PSMG2: variants seen among roughly 807,000 people sequenced by gnomAD.
PSMG2 encodes the protein CD40 ligand-activated specific transcript 3.
Under a neutral mutation model 31.5 loss-of-function variants are expected in PSMG2, and 21 were observed. That is an observed-to-expected ratio of 0.67 (90% CI 0.47 to 0.96). The LOEUF (loss-of-function observed/expected upper bound fraction) is 0.96, where lower values mean the gene tolerates loss of function less well. Among genes scored for constraint, PSMG2 ranks in the 40% least tolerant of loss-of-function variants. PSMG2 has a pLI of 0.00. For missense variants in PSMG2, 318 were observed against 321.2 expected (o/e 0.99, Z 0.08); for synonymous variants, 120 against 110.4 (o/e 1.09, Z -0.54).
chr18:12,680,221 C>T (rs2039295477), intron 1 of PSMG2, among the ~76,000 whole-genome samples: 2 of 152,090 alleles, frequency 1.3e-5, no homozygotes, highest in South Asian at 2.1e-4. Context: ...TACATAATCA[C>T]TGAAAAGGCT....
chr18:12,705,513 T>C lies in PSMG2; in HGVS notation c.58-1037T>C, dbSNP rs370522121. 6.0e-5 allele frequency among the ~76,000 whole-genome samples: 9 copies of C among 150,920 alleles called. No individual in the cohort carries two copies. The East Asian group carries it at 1.8e-3, about 29-fold the overall frequency. ...CGTGTTCTGGGATGTAGGTAGGGAT[T>C]TGGCAGCTTCATTATTTTAAGTCAT... On this transcript the variant is annotated intron_variant, in intron 1 of 6. Transcript: ENST00000317615.
At chr18:12,701,501 C>T (rs1464254973), upstream of PSMG2, among the ~76,000 whole-genome samples, 1 of 152,154 alleles carries the variant, frequency 6.6e-6, no homozygotes, top group Admixed American at 6.5e-5. Flanking sequence ...CTCAAGCCAA[C>T]TTATTTACCC....
chr18:12,674,791 A>G (rs984584200), intron 1 of PSMG2: 4 of 1,372,968 alleles, frequency 2.9e-6, no homozygotes, highest in African/African-American at 1.5e-5. Context: ...AGTGAAATAC[A>G]TTAATATTTT....
At chr18:12,660,304 C>G (rs1434050484) in intron 1 of PSMG2, among the ~76,000 whole-genome samples, 1 of 147,004 alleles carries the variant, frequency 6.8e-6, no homozygotes, top group Non-Finnish European at 1.5e-5. Context: ...TCCCTCTAAT[C>G]AATGGAAAAA....
chr18:12,663,671 T>G (rs573354448), intron 1 of PSMG2, among the ~76,000 whole-genome samples: 2 of 152,362 alleles, frequency 1.3e-5, no homozygotes, highest in African/African-American at 4.8e-5. Flanking sequence ...TTTTGTGTTG[T>G]GTAAATTAAA....
At chr18:12,682,230 TCTCAGCTCAATGCTGCCTTGACGTC>T (rs1358263715) in intron 1 of PSMG2, among the ~76,000 whole-genome samples, 2 of 150,824 alleles carry the variant, frequency 1.3e-5, no homozygotes, top group South Asian at 2.1e-4. Flanking sequence ...AGTGGCATGA[TCTCAGCTCAATGCTGCCTTGACGTC>T]CTCAGCTCAC....
chr18:12,673,663 T>G (rs930920656), intron 1 of PSMG2, among the ~76,000 whole-genome samples: 5 of 152,124 alleles, frequency 3.3e-5, no homozygotes, highest in Non-Finnish European at 5.9e-5. Flanking sequence ...GTGGATCACC[T>G]GAGGTCAGGA....
At chr18:12,688,692 G>C (rs538462426) in intron 1 of PSMG2, among the ~76,000 whole-genome samples, 156 of 152,202 alleles carry the variant, frequency 1.0e-3, no homozygotes, top group African/African-American at 3.6e-3. Flanking sequence ...ACCATTATGA[G>C]CTATTTAAAT....
chr18:12,720,034 G>T (rs2040415891), intron 4 of PSMG2, among the ~76,000 whole-genome samples: 1 of 150,998 alleles, frequency 6.6e-6, no homozygotes, highest in African/African-American at 2.4e-5. Context: ...GTAGCATTTA[G>T]ATCATTTATT....
At chr18:12,667,760 C>CAA (rs67167827) in intron 1 of PSMG2, among the ~76,000 whole-genome samples, 5 of 89,934 alleles carry the variant, frequency 5.6e-5, no homozygotes, top group Admixed American at 1.3e-4. Context: ...GACTCTTTCT[C>CAA]AAAAAAAAAA....
rs1011039429 is a variant in PSMG2, at chr18:12,723,629, T to C, written c.582-870T>C. On this transcript the variant is annotated intron_variant, in intron 5 of 6. Transcript: ENST00000317615. Reference sequence around the variant, plus strand: ...CTGGTCTCGAACTCCTGACCTCAAATGATTTGCCCACCTCGGCCTCCCAAA... The same window carrying C: ...CTGGTCTCGAACTCCTGACCTCAAACGATTTGCCCACCTCGGCCTCCCAAA... 2.6e-5 allele frequency among the ~76,000 whole-genome samples: 4 copies of C among 152,248 alleles called. No homozygotes were observed. The East Asian group carries it at 7.7e-4, about 29-fold the overall frequency.
chr18:12,673,866 C>CT (rs2039022006), intron 1 of PSMG2, among the ~76,000 whole-genome samples: 1 of 152,030 alleles, frequency 6.6e-6, no homozygotes, highest in African/African-American at 2.4e-5. Flanking sequence ...GGGCGACAGA[C>CT]TGAGACTCCA....
intron 1 of PSMG2, among the ~76,000 whole-genome samples, chr18:12,663,177 T>C (rs78704966): frequency 1.3e-5 from 2 of 152,350 alleles, no homozygotes; most frequent in Non-Finnish European, 2.9e-5. Flanking sequence ...CCAAATACTC[T>C]TTTATAGTCA....
At chr18:12,699,108 G>T, upstream of PSMG2, 3 of 1,614,070 alleles carry the variant, frequency 1.9e-6, no homozygotes, top group Non-Finnish European at 2.5e-6. Context: ...GAACAAACTT[G>T]TCCAGGTAAA....
At position 12,664,696 on chromosome 18, in the gene PSMG2, A is replaced by ATTT. The variant is rs1277697796; in HGVS notation, c.-37+5924_-37+5925insTTT. Among the ~76,000 whole-genome samples, 459 of 146,368 alleles carry ATTT rather than the reference A, an allele frequency of 3.1e-3. 1 individual carries two copies. The highest frequency in any genetic ancestry group is 0.011 in the African/African-American group (429 of 39,448). On this transcript the variant is annotated intron_variant, in intron 1 of 6. Coordinates refer to the PSMG2 transcript ENST00000585331. Reference sequence around the variant, plus strand: ...CACTGTGCCTGGCTAATTTGTCCTGATCTTTTTTTTTTTTTTTTTTAAGAC... The same window carrying ATTT: ...CACTGTGCCTGGCTAATTTGTCCTGATTTTCTTTTTTTTTTTTTTTTTTAAGAC...
chr18:12,662,111 G>T, intron 1 of PSMG2: 3 of 440,834 alleles, frequency 6.8e-6, no homozygotes, highest in South Asian at 3.3e-5. Flanking sequence ...CACCATCACT[G>T]TGCAGCCCAA....
At chr18:12,719,452 G>T (rs2145149309) in intron 4 of PSMG2, among the ~76,000 whole-genome samples, 1 of 151,150 alleles carries the variant, frequency 6.6e-6, no homozygotes, top group South Asian at 2.1e-4. Context: ...CAGTGGCATG[G>T]TCTCAGCTCA....
intron 2 of PSMG2, among the ~76,000 whole-genome samples, chr18:12,711,106 CA>C (rs1439476089): frequency 6.6e-6 from 1 of 151,826 alleles, no homozygotes; most frequent in Non-Finnish European, 1.5e-5. Flanking sequence ...TCTTAAAAAA[CA>C]AACAAAAAAC....
In PSMG2 at chr18:12,668,283, C is replaced by T. The variant is rs1015275689; in HGVS notation, c.-37+9510C>T. Among the ~76,000 whole-genome samples, 5 of 149,688 alleles carry T rather than the reference C, an allele frequency of 3.3e-5. No homozygotes were observed. In the East Asian group the frequency reaches 6.0e-4, roughly 18 times the overall value. On this transcript the variant is annotated intron_variant, in intron 1 of 6. Coordinates refer to the PSMG2 transcript ENST00000585331. ...CCAACCCTCCCCCAACTCCTCCCAC[C>T]GCCACTGGCCAAAAAAAGTGGATGG...
Sources: allele counts gnomAD v4.1 joint callset (sites outside exome capture counted in the v4.1 genomes callset), GRCh38; gene constraint gnomAD v4.1.1; transcripts MANE v1.5; gene names NCBI Gene and HGNC (gene_info 2026-07-23, HGNC 2026-07-21).